EML5: variants seen among roughly 807,000 people sequenced by gnomAD.
EML5 encodes echinoderm microtubule-associated protein-like 5.
Under a neutral mutation model 250.0 loss-of-function variants are expected in EML5, and 120 were observed. The observed-to-expected ratio is 0.48, with a 90% confidence interval of 0.41 to 0.56. The LOEUF is 0.56. EML5 is among the 20% of genes least tolerant of loss of function. The pLI is 0.00. For missense variants in EML5, 2,006 were observed against 2,437.6 expected, an observed-to-expected ratio of 0.82 and a Z score of 3.73; for synonymous variants, 771 against 806.5, an observed-to-expected ratio of 0.96 and a Z score of 0.75.
At chr14:88,791,416 C>T (rs933832699) in intron 1 of EML5, among the ~76,000 whole-genome samples, 1 of 152,144 alleles carries the variant, frequency 6.6e-6, no homozygotes, top group African/African-American at 2.4e-5. Flanking sequence ...AAATGCTGTG[C>T]TTGAGGCAAT....
chr14:88,681,339 C>T (rs1595498300), intron 21 of EML5, among the ~76,000 whole-genome samples: 1 of 152,178 alleles, frequency 6.6e-6, no homozygotes, highest in African/African-American at 2.4e-5. Flanking sequence ...GGCCGGGGGC[C>T]GTGGCTCACG....
At chr14:88,622,215 T>C (rs2089120273) in intron 37 of EML5, 1 of 175,370 alleles carries the variant, frequency 5.7e-6, no homozygotes. Context: ...AATTTCATTA[T>C]TTTTTATGGC....
intron 10 of EML5, among the ~76,000 whole-genome samples, chr14:88,707,648 T>C (rs2093341168): frequency 6.6e-6 from 1 of 152,180 alleles, no homozygotes; most frequent in Non-Finnish European, 1.5e-5. Context: ...TAATTTAAGA[T>C]AACTATCATC....
chr14:88,641,943 T>C (rs1005627696), intron 31 of EML5, among the ~76,000 whole-genome samples: 1 of 152,198 alleles, frequency 6.6e-6, no homozygotes. Context: ...CAGACAGACC[T>C]CGATTAAGAA....
chr14:88,746,253 T>G lies in EML5; in HGVS notation c.388A>C (p.Asn130His). ...RLVSVGLDSK[N>H]AVCVWDWKRG... ...TTCCAGTCCCAAACACAAACTGCAT[T>G]CTTTGAATCAAGTCCAACTGAAACC... The change falls in exon 3 of 44, where the codon AAT becomes CAT. Residue 130 changes from asparagine to histidine, a missense_variant. Coordinates refer to ENST00000554922, the MANE Select transcript of EML5 (RefSeq NM_183387.3). The G allele has an allele frequency of 6.2e-7, 1 of 1,613,426 alleles. No individual in the cohort carries two copies. Among genetic ancestry groups the G allele is most frequent in the Non-Finnish European group, 8.5e-7 (1 of 1,179,580 alleles).
chr14:88,742,590 T>C (rs2093940298), intron 4 of EML5, among the ~76,000 whole-genome samples: 3 of 152,114 alleles, frequency 2.0e-5, no homozygotes, highest in Admixed American at 6.5e-5. Flanking sequence ...CAATATAAAA[T>C]AGTAAGATCT....
intron 1 of EML5, among the ~76,000 whole-genome samples, chr14:88,759,685 T>TAAAAAAAA (rs58676323): frequency 0.026 from 2,381 of 92,656 alleles, 121 homozygotes; most frequent in East Asian, 0.16. Flanking sequence ...CACCATCTCT[T>TAAAAAAAA]AAAAAAAAAA....
At chr14:88,677,126 G>A (rs1356992192) in intron 21 of EML5, among the ~76,000 whole-genome samples, 1 of 151,934 alleles carries the variant, frequency 6.6e-6, no homozygotes, top group African/African-American at 2.4e-5. Flanking sequence ...ACTGGTCTCG[G>A]ACTCCTGAGC....
intron 35 of EML5, 38 bp downstream of exon 35, chr14:88,626,800 T>C: frequency 2.5e-6 from 4 of 1,601,290 alleles, no homozygotes; most frequent in African/African-American, 2.7e-5. Context: ...GAATGTAAAG[T>C]AGTCAAAGTC....
intron 14 of EML5, among the ~76,000 whole-genome samples, chr14:88,701,110 T>C (rs1253927004): frequency 6.6e-6 from 1 of 152,276 alleles, no homozygotes; most frequent in East Asian, 1.9e-4. Flanking sequence ...TAGTTCTTCA[T>C]TACATTGCTA....
intron 16 of EML5, among the ~76,000 whole-genome samples, 197 bp downstream of exon 16, chr14:88,695,164 G>A (rs2093048381): frequency 6.6e-6 from 1 of 151,790 alleles, no homozygotes; most frequent in African/African-American, 2.4e-5. Flanking sequence ...ATTTAAAAGT[G>A]GGTTCACAAG....
intron 23 of EML5, among the ~76,000 whole-genome samples, chr14:88,664,275 C>CAAA (rs35920066): frequency 0.21 from 21,770 of 105,088 alleles, 2,141 homozygotes; most frequent in East Asian, 0.5. Flanking sequence ...AGACCTGTCT[C>CAAA]AAAAAAAAAA....
intron 2 of EML5, among the ~76,000 whole-genome samples, chr14:88,750,553 C>T (rs1446468518): frequency 2.6e-5 from 4 of 152,086 alleles, no homozygotes; most frequent in Non-Finnish European, 5.9e-5. Context: ...ATTATTATTA[C>T]TATTAGTTTA....
chr14:88,708,641 G>A (rs562201928), intron 10 of EML5, among the ~76,000 whole-genome samples: 2 of 152,022 alleles, frequency 1.3e-5, no homozygotes, highest in Non-Finnish European at 2.9e-5. Flanking sequence ...CACAGAAGAG[G>A]GCAAAAGTTT....
intron 31 of EML5, among the ~76,000 whole-genome samples, chr14:88,639,280 G>A (rs185543663): frequency 1.3e-5 from 2 of 152,272 alleles, no homozygotes; most frequent in South Asian, 2.1e-4. Context: ...TCTAGACAGA[G>A]GAACACTTTA....
At chr14:88,732,330 C>T (rs2093773316) in intron 7 of EML5, among the ~76,000 whole-genome samples, 2 of 152,092 alleles carry the variant, frequency 1.3e-5, no homozygotes, top group Non-Finnish European at 2.9e-5. Context: ...GGAATCGTTT[C>T]CCCATTTCTT....
chr14:88,657,019 G>A (rs570371051), intron 27 of EML5, among the ~76,000 whole-genome samples: 249 of 152,054 alleles, frequency 1.6e-3, no homozygotes, highest in African/African-American at 5.7e-3. Context: ...TTGAGACAGG[G>A]CCTCATTCTG....
chr14:88,738,970 A>T lies in EML5; in HGVS notation c.756T>A (p.Thr252=), dbSNP rs1667133765. The T allele has an allele frequency of 6.2e-7, 1 of 1,609,468 alleles. No homozygotes were observed. Among genetic ancestry groups the T allele is most frequent in the Admixed American group, 1.7e-5 (1 of 59,504 alleles). The part of the protein sequence containing the change: ...SMNACEEGFA[T]GGRDGCIRLW... ...GACGAATACAACCATCTCTGCCACC[A>T]GTAGCAAAGCCTTCTTCACAAGCAT... The change falls in exon 6 of 44, where the codon ACT becomes ACA. Residue 252 remains threonine (T), a synonymous_variant. Coordinates refer to ENST00000554922, the MANE Select transcript of EML5 (RefSeq NM_183387.3).
chr14:88,780,392 T>C (rs2094486166), intron 1 of EML5, among the ~76,000 whole-genome samples: 1 of 152,096 alleles, frequency 6.6e-6, no homozygotes, highest in East Asian at 1.9e-4. Context: ...TTGTTTACTG[T>C]TCAGTATAAT....
Sources: gnomAD v4.1 joint callset for allele counts (sites outside exome capture counted in the v4.1 genomes callset) on GRCh38, gnomAD v4.1.1 for gene constraint, MANE v1.5 for transcripts, NCBI Gene and HGNC (gene_info 2026-07-23, HGNC 2026-07-21) for gene names.